C2orf92: variants seen among roughly 807,000 people sequenced by gnomAD.
C2orf92 encodes the protein uncharacterized protein C2orf92.
At chr2:97,702,181 G>A (rs6543021) in intron 7 of C2orf92, 20,431 of 152,248 alleles carry the variant, frequency 0.13, 2,245 homozygotes, top group African/African-American at 0.3. Context: ...TGTGTTGAGG[G>A]GAAGTGTCCA....
At chr2:97,687,712 C>G (rs988863023) in intron 3 of C2orf92, among the ~76,000 whole-genome samples, 2 of 150,252 alleles carry the variant, frequency 1.3e-5, no homozygotes, top group African/African-American at 4.9e-5. Flanking sequence ...GCAGATCTCT[C>G]GACACCCGAT....
At position 97,703,001 on chromosome 2, in the gene C2orf92, G is replaced by T; in HGVS notation, c.*200G>T. On this transcript the variant is annotated 3_prime_UTR_variant, in exon 8 of 8. Transcript: ENST00000627399. ...TGTGGCAATATGGCACCGATGGCTG[G>T]CGTCGGTGAACCCGACAGACTATGG... 5.1e-6 allele frequency: 2 copies of T among 389,038 alleles called. No individual in the cohort carries two copies. Among genetic ancestry groups the T allele is most frequent in the Non-Finnish European group, 9.1e-6 (2 of 220,544 alleles). 24.1% of individuals were successfully genotyped at this position (389,038 alleles called of 1,614,324 possible). A position where few individuals can be genotyped will look rare whatever the true frequency, so the allele number is the denominator to read the frequency against.
upstream of C2orf92, among the ~76,000 whole-genome samples, chr2:97,667,634 G>A (rs189114230): frequency 1.6e-4 from 25 of 151,916 alleles, no homozygotes; most frequent in Admixed American, 1.2e-3. Flanking sequence ...GGGTTTCACC[G>A]TGTTAGCCAG....
At chr2:97,680,221 C>T (rs1207238167) in intron 3 of C2orf92, among the ~76,000 whole-genome samples, 1 of 152,190 alleles carries the variant, frequency 6.6e-6, no homozygotes, top group African/African-American at 2.4e-5. Flanking sequence ...ATCACTTGAA[C>T]ATGGGAGGCA....
At chr2:97,673,605 C>T (rs1172249342) in intron 1 of C2orf92, among the ~76,000 whole-genome samples, 2 of 152,104 alleles carry the variant, frequency 1.3e-5, no homozygotes, top group African/African-American at 4.8e-5. Context: ...CAGCAGGGCC[C>T]ACTTCTTCCC....
At chr2:97,685,853 G>A (rs947532696) in intron 3 of C2orf92, among the ~76,000 whole-genome samples, 70 of 152,186 alleles carry the variant, frequency 4.6e-4, no homozygotes, top group African/African-American at 1.6e-3. Flanking sequence ...GTGAGCCACC[G>A]TGCCCAGCCA....
In C2orf92 at chr2:97,688,907, T is replaced by G. The variant is rs1278442949; in HGVS notation, c.245T>G (p.Leu82Arg). The change falls in exon 4 of 8, where the codon CTG becomes CGG. Residue 82 changes from leucine to arginine, a missense_variant. Transcript: ENST00000627399. Reference sequence around the variant, plus strand: ...TGCTCCACTGGAGATGAAATTCTACTGCAGGTGTTTCCAAAGTTTCCGTAT... The same window carrying G: ...TGCTCCACTGGAGATGAAATTCTACGGCAGGTGTTTCCAAAGTTTCCGTAT... ...HLAKIFDEIL[L>R]QVFPKFPYDP... 1 of 398,530 alleles carries G rather than the reference T, an allele frequency of 2.5e-6. No individual in the cohort carries two copies. The highest frequency in any genetic ancestry group is 2.1e-5 in the African/African-American group (1 of 48,652). 24.7% of individuals were successfully genotyped at this position (398,530 alleles called of 1,614,324 possible).
At chr2:97,698,943 T>C (rs1676404472) in intron 5 of C2orf92, 83 bp from the exon 6 acceptor site, 2 of 396,566 alleles carry the variant, frequency 5.0e-6, no homozygotes, top group East Asian at 7.2e-5. Flanking sequence ...ACTTTGAGTC[T>C]AGAAGAAGCT....
At chr2:97,672,755 G>A (rs1421692189) in intron 1 of C2orf92, among the ~76,000 whole-genome samples, 1 of 152,088 alleles carries the variant, frequency 6.6e-6, no homozygotes, top group East Asian at 1.9e-4. Flanking sequence ...TGGTCATCAA[G>A]GACAGGTGGT....
intron 1 of C2orf92, among the ~76,000 whole-genome samples, chr2:97,672,126 G>A (rs1284779836): frequency 2.6e-5 from 4 of 152,048 alleles, no homozygotes; most frequent in Non-Finnish European, 5.9e-5. Flanking sequence ...GGCCAGTGAA[G>A]TCTCTCCTGA....
upstream of C2orf92, chr2:97,669,517 T>A: frequency 3.0e-6 from 1 of 337,340 alleles, no homozygotes; most frequent in Non-Finnish European, 5.3e-6. Context: ...TAATATCCTG[T>A]TGCCCTCAGG....
intron 3 of C2orf92, among the ~76,000 whole-genome samples, chr2:97,681,187 C>G (rs1193079628): frequency 3.0e-5 from 4 of 135,244 alleles, no homozygotes; most frequent in African/African-American, 1.1e-4. Flanking sequence ...GCACTCTAAA[C>G]CAATTAGACC....
At chr2:97,684,109 C>G (rs1443751519) in intron 3 of C2orf92, among the ~76,000 whole-genome samples, 1 of 149,876 alleles carries the variant, frequency 6.7e-6, no homozygotes, top group Non-Finnish European at 1.5e-5. Context: ...GATCTCAGCT[C>G]ACTGCAAGCT....
At chr2:97,676,449 GAAAA>G (rs58388976) in intron 3 of C2orf92, among the ~76,000 whole-genome samples, 3 of 99,168 alleles carry the variant, frequency 3.0e-5, no homozygotes, top group Admixed American at 1.3e-4. Flanking sequence ...AAAAAAAAAA[GAAAA>G]AAAAAAAAAA....
chr2:97,673,118 A>G (rs760754303), intron 1 of C2orf92, among the ~76,000 whole-genome samples: 1 of 152,178 alleles, frequency 6.6e-6, no homozygotes, highest in Non-Finnish European at 1.5e-5. Context: ...TTCTGCCCCC[A>G]TGGCTCCTAC....
chr2:97,665,253 C>T (rs1675169036), upstream of C2orf92, among the ~76,000 whole-genome samples: 1 of 152,134 alleles, frequency 6.6e-6, no homozygotes, highest in East Asian at 1.9e-4. Flanking sequence ...GGGTTGTGAG[C>T]ATAAAATTTG....
intron 3 of C2orf92, among the ~76,000 whole-genome samples, chr2:97,682,734 T>G (rs1021130644): frequency 2.0e-5 from 3 of 151,554 alleles, no homozygotes; most frequent in Non-Finnish European, 4.4e-5. Context: ...GATGCAGATA[T>G]AGCATTTGAC....
intron 3 of C2orf92, among the ~76,000 whole-genome samples, chr2:97,687,396 G>A (rs1379372971): frequency 3.9e-5 from 6 of 152,118 alleles, no homozygotes; most frequent in African/African-American, 1.4e-4. Flanking sequence ...GAAATTTTAT[G>A]TTAAGTGTAT....
At chr2:97,670,250 A>G (rs1387839047) in intron 1 of C2orf92, 1 of 152,974 alleles carries the variant, frequency 6.5e-6, no homozygotes, top group African/African-American at 2.4e-5. Flanking sequence ...CCAGCACTTT[A>G]GGAGGCCAAG....
Sources: allele counts gnomAD v4.1 joint callset (sites outside exome capture counted in the v4.1 genomes callset), GRCh38; gene constraint gnomAD v4.1.1; transcripts MANE v1.5; gene names NCBI Gene and HGNC (gene_info 2026-07-23, HGNC 2026-07-21).